RORA: variants seen among roughly 807,000 people sequenced by gnomAD.
RORA encodes the protein nuclear receptor ROR-alpha.
Under a neutral mutation model 69.5 loss-of-function variants are expected in RORA, and 7 were observed. The observed-to-expected ratio is 0.10, with a 90% CI of 0.06 to 0.19. The LOEUF (loss-of-function observed/expected upper bound fraction) is 0.19. RORA is among the 10% of genes least tolerant of loss of function. RORA has a pLI of 1.00. For missense variants in RORA, 457 were observed against 663.0 expected (o/e 0.69, Z 3.41); for synonymous variants, 261 against 240.8 (o/e 1.08, Z -0.78).
Position 60,872,891 on chromosome 15 carries a change from A to G in RORA, c.167-194205T>C, listed in dbSNP as rs879442620. Among the ~76,000 whole-genome samples, 57 of 151,914 alleles carry G rather than the reference A, an allele frequency of 3.8e-4. 1 individual carries two copies. The highest frequency in any genetic ancestry group is 7.4e-5 in the Non-Finnish European group (5 of 67,964). Reference sequence around the variant, plus strand: ...CCAAGTGCACATATTGTTTAGTGCTATGTGCTCTTCACCTGCTCTTCCTCC... The same window carrying G: ...CCAAGTGCACATATTGTTTAGTGCTGTGTGCTCTTCACCTGCTCTTCCTCC... On this transcript the variant is annotated intron_variant, in intron 1 of 10. Transcript: ENST00000335670.
chr15:60,946,838 G>C (rs1892894619), intron 1 of RORA, among the ~76,000 whole-genome samples: 2 of 151,900 alleles, frequency 1.3e-5, no homozygotes, highest in African/African-American at 4.8e-5. Flanking sequence ...TCTCTGCCTG[G>C]CCGCCCATCG....
At chr15:61,228,668 C>T (rs2080171328) in intron 1 of RORA, among the ~76,000 whole-genome samples, 1 of 152,096 alleles carries the variant, frequency 6.6e-6, no homozygotes, top group South Asian at 2.1e-4. Context: ...CTTAAAAGGA[C>T]ACTGCCGCTT....
At chr15:60,592,478 C>CCGCCGCCG (rs2068557942) in intron 2 of RORA, 5 of 1,350,534 alleles carry the variant, frequency 3.7e-6, no homozygotes, top group Non-Finnish European at 3.8e-6. Flanking sequence ...GCCCCCTCTG[C>CCGCCGCCG]CGCCGCCGCG....
intron 1 of RORA, among the ~76,000 whole-genome samples, chr15:61,093,626 G>A (rs911984056): frequency 3.3e-5 from 5 of 152,236 alleles, no homozygotes; most frequent in Admixed American, 6.5e-5. Flanking sequence ...AAGTAAGCAT[G>A]CTCATCTGGA....
At chr15:60,572,167 G>A (rs190695694) in intron 2 of RORA, among the ~76,000 whole-genome samples, 1 of 152,300 alleles carries the variant, frequency 6.6e-6, no homozygotes, top group East Asian at 1.9e-4. Flanking sequence ...ACATAGCAAA[G>A]TTGAGTAGCT....
chr15:61,001,227 G>C (rs1209769949), intron 1 of RORA, among the ~76,000 whole-genome samples: 1 of 152,226 alleles, frequency 6.6e-6, no homozygotes, highest in Non-Finnish European at 1.5e-5. Context: ...TCTGCTGGAG[G>C]AAACAACGCT....
intron 1 of RORA, among the ~76,000 whole-genome samples, chr15:60,691,149 C>T (rs946697244): frequency 1.3e-5 from 2 of 152,162 alleles, no homozygotes; most frequent in African/African-American, 4.8e-5. Context: ...TATCACTTTC[C>T]CTCCACTTCT....
chr15:60,761,161 T>C (rs987238788), intron 1 of RORA, among the ~76,000 whole-genome samples: 5 of 152,044 alleles, frequency 3.3e-5, no homozygotes, highest in African/African-American at 1.2e-4. Context: ...ATGGGCGACA[T>C]TGCCTCTTCG....
At chr15:60,750,679 A>G (rs2071711395) in intron 1 of RORA, among the ~76,000 whole-genome samples, 1 of 152,222 alleles carries the variant, frequency 6.6e-6, no homozygotes, top group African/African-American at 2.4e-5. Flanking sequence ...GACCATGGAT[A>G]GTAATCTATT....
chr15:60,925,093 T>TAATAA (rs59752102), intron 1 of RORA, among the ~76,000 whole-genome samples: 24,804 of 139,844 alleles, frequency 0.18, 2,374 homozygotes, highest in East Asian at 0.22. Flanking sequence ...ATAAATAAAT[T>TAATAA]AATAAAATAA....
intron 1 of RORA, among the ~76,000 whole-genome samples, chr15:60,820,761 C>T (rs2072883317): frequency 6.6e-6 from 1 of 152,160 alleles, no homozygotes; most frequent in African/African-American, 2.4e-5. Context: ...TTCAATCCGT[C>T]GGCTTAGTCT....
intron 1 of RORA, among the ~76,000 whole-genome samples, chr15:61,068,113 T>C (rs1201343835): frequency 6.6e-6 from 1 of 152,258 alleles, no homozygotes; most frequent in Non-Finnish European, 1.5e-5. Flanking sequence ...GGTTATCACC[T>C]ATAATTCTGG....
At chr15:61,135,436 C>G (rs2079228816) in intron 1 of RORA, among the ~76,000 whole-genome samples, 1 of 152,088 alleles carries the variant, frequency 6.6e-6, no homozygotes, top group Non-Finnish European at 1.5e-5. Flanking sequence ...ATCTATTCTA[C>G]TTACAGCAAG....
intron 1 of RORA, among the ~76,000 whole-genome samples, chr15:61,161,932 C>T (rs1461863006): frequency 1.3e-5 from 2 of 152,108 alleles, no homozygotes; most frequent in African/African-American, 4.8e-5. Flanking sequence ...CTGAAAATCA[C>T]GTTTTTGAGC....
chr15:60,648,941 T>C (rs1396496236), intron 2 of RORA, among the ~76,000 whole-genome samples: 1 of 152,182 alleles, frequency 6.6e-6, no homozygotes, highest in Non-Finnish European at 1.5e-5. Context: ...GGAGTTTACA[T>C]GGATTGTCAG....
chr15:61,073,269 G>C (rs1313969582), intron 1 of RORA, among the ~76,000 whole-genome samples: 1 of 152,196 alleles, frequency 6.6e-6, no homozygotes, highest in East Asian at 1.9e-4. Context: ...GCAGGGCGCA[G>C]GTATACCATT....
chr15:60,894,347 A>G (rs1385249351), intron 1 of RORA, among the ~76,000 whole-genome samples: 1 of 152,136 alleles, frequency 6.6e-6, no homozygotes, highest in Non-Finnish European at 1.5e-5. Flanking sequence ...AAAGTCATCA[A>G]TCTCTCCCGC....
chr15:60,604,867 AG>A (rs1004847954), intron 2 of RORA, among the ~76,000 whole-genome samples: 13 of 152,340 alleles, frequency 8.5e-5, no homozygotes, highest in Admixed American at 2.6e-4. Flanking sequence ...AGATCTTAAA[AG>A]TCAGGCAATA....
At position 60,697,102 on chromosome 15, in the gene RORA, G is replaced by T. The variant is rs551298959; in HGVS notation, c.167-18416C>A. Among the ~76,000 whole-genome samples the T allele has an allele frequency of 2.0e-5, 3 of 152,294 alleles. No homozygotes were observed. The South Asian group carries it at 6.2e-4, about 32-fold the overall frequency. On this transcript the variant is annotated intron_variant, in intron 1 of 10. Coordinates refer to ENST00000335670, the MANE Select transcript of RORA (RefSeq NM_134261.3). ...AATGCGGGCCTGGTTTCTGAACGAG[G>T]TTTATGTTCTGCTCTCACTTTTGAC...
Sources: gnomAD v4.1 joint callset for allele counts (sites outside exome capture counted in the v4.1 genomes callset) on GRCh38, gnomAD v4.1.1 for gene constraint, MANE v1.5 for transcripts, NCBI Gene and HGNC (gene_info 2026-07-23, HGNC 2026-07-21) for gene names.